RXRG: variants seen among roughly 807,000 people sequenced by gnomAD.
RXRG encodes the protein retinoid X receptor gamma, also known as retinoic acid receptor RXR-gamma.
In RXRG, 19 loss-of-function variants were observed where a neutral mutation model predicts 49.2. That is an observed-to-expected ratio of 0.39 (90% CI 0.27 to 0.57). The LOEUF (loss-of-function observed/expected upper bound fraction) is 0.57, where lower values mean the gene tolerates loss of function less well. Among genes scored for constraint, RXRG ranks in the 20% least tolerant of loss-of-function variants. The probability of loss-of-function intolerance (pLI) is 0.64; values close to 1 mark genes in which losing one functional copy is unlikely to be tolerated. For missense variants in RXRG, 452 were observed against 592.5 expected (o/e 0.76, Z 2.46); for synonymous variants, 224 against 216.6 (o/e 1.03, Z -0.30).
intron 1 of RXRG, among the ~76,000 whole-genome samples, chr1:165,442,551 C>T (rs1220058555): frequency 6.6e-6 from 1 of 152,138 alleles, no homozygotes; most frequent in Non-Finnish European, 1.5e-5. Context: ...TCAGAGCCCC[C>T]ACAATTATGA....
At position 165,428,932 on chromosome 1, in the gene RXRG, G is replaced by A. The variant is rs1259431592; in HGVS notation, c.84C>T (p.Ser28=). ...SPGHTGSTSM[S]PSAALSTGKP... Reference sequence around the variant, plus strand: ...TCCCTGTGGACAAGGCTGCTGATGGGCTCATGGATGTAGAGCCAGTGTGGC... The same window carrying A: ...TCCCTGTGGACAAGGCTGCTGATGGACTCATGGATGTAGAGCCAGTGTGGC... Residue 28 remains serine (S), a synonymous_variant, in exon 2 of 10, where the codon AGC becomes AGT. Transcript: ENST00000359842. The A allele has an allele frequency of 1.9e-6, 3 of 1,613,532 alleles. No individual in the cohort carries two copies. The Admixed American group carries it at 5.0e-5, about 27-fold the overall frequency.
intron 2 of RXRG, 85 bp downstream of exon 2, chr1:165,428,634 G>T (rs371709930): frequency 1.2e-5 from 17 of 1,472,236 alleles, no homozygotes; most frequent in East Asian, 9.2e-5. Flanking sequence ...TTATGGACCT[G>T]CTGAGTGCTG....
intron 1 of RXRG, among the ~76,000 whole-genome samples, chr1:165,438,667 C>G (rs1454849021): frequency 6.6e-6 from 1 of 152,144 alleles, no homozygotes; most frequent in Non-Finnish European, 1.5e-5. Flanking sequence ...CTGTTTTTGC[C>G]TATATGGCCT....
intron 1 of RXRG, among the ~76,000 whole-genome samples, chr1:165,439,931 T>C (rs1658928620): frequency 6.6e-6 from 1 of 151,986 alleles, no homozygotes; most frequent in South Asian, 2.1e-4. Context: ...GGTGTCTGAG[T>C]GGCTGTTATG....
chr1:165,427,488 G>A (rs1557921695), intron 2 of RXRG, among the ~76,000 whole-genome samples: 1 of 152,134 alleles, frequency 6.6e-6, no homozygotes, highest in Non-Finnish European at 1.5e-5. Flanking sequence ...AAGCTGGAGT[G>A]CAGTGGCATG....
At chr1:165,435,972 C>A (rs994058294) in intron 1 of RXRG, among the ~76,000 whole-genome samples, 1 of 152,154 alleles carries the variant, frequency 6.6e-6, no homozygotes, top group African/African-American at 2.4e-5. Context: ...GATGTGGCTG[C>A]ATTCCAATAA....
At chr1:165,433,644 A>G (rs1031204445) in intron 1 of RXRG, among the ~76,000 whole-genome samples, 2 of 152,216 alleles carry the variant, frequency 1.3e-5, no homozygotes, top group African/African-American at 4.8e-5. Flanking sequence ...TCCCCCAGTA[A>G]GGAGCTGGCA....
chr1:165,420,420 C>T (rs190038079), intron 2 of RXRG, among the ~76,000 whole-genome samples: 106 of 152,276 alleles, frequency 7.0e-4, no homozygotes, highest in Admixed American at 3.3e-3. Flanking sequence ...GACCCTCAGG[C>T]TAAAGACTTA....
At chr1:165,408,715 T>C (rs1657839592) in intron 7 of RXRG, among the ~76,000 whole-genome samples, 2 of 152,116 alleles carry the variant, frequency 1.3e-5, no homozygotes, top group South Asian at 4.2e-4. Context: ...TTCAATGAAC[T>C]GGTAGAAAGG....
At chr1:165,438,827 T>C (rs1658894914) in intron 1 of RXRG, among the ~76,000 whole-genome samples, 1 of 152,218 alleles carries the variant, frequency 6.6e-6, no homozygotes, top group Admixed American at 6.5e-5. Context: ...TGGTATAAAC[T>C]AGTTTGTATT....
chr1:165,402,410 A>G (rs539835834), intron 9 of RXRG, among the ~76,000 whole-genome samples: 1 of 150,528 alleles, frequency 6.6e-6, no homozygotes, highest in African/African-American at 2.5e-5. Context: ...TTTATGATCA[A>G]CTTATTAGTC....
At chr1:165,423,234 C>G (rs1319915370) in intron 2 of RXRG, among the ~76,000 whole-genome samples, 2 of 152,196 alleles carry the variant, frequency 1.3e-5, no homozygotes, top group African/African-American at 4.8e-5. Flanking sequence ...CCCCAAGTCC[C>G]CCAATCCCGG....
At chr1:165,407,623 G>A (rs1012357190) in intron 8 of RXRG, among the ~76,000 whole-genome samples, 1 of 152,142 alleles carries the variant, frequency 6.6e-6, no homozygotes, top group Non-Finnish European at 1.5e-5. Flanking sequence ...CACAGGCAGA[G>A]GCTGACAGCT....
rs755760297 is a variant in RXRG, at chr1:165,406,790, G to C, written c.1244+22C>G. The C allele has an allele frequency of 2.6e-6, 4 of 1,556,494 alleles. No individual in the cohort carries two copies. The Admixed American group carries it at 6.7e-5, about 26-fold the overall frequency. On this transcript the variant is annotated intron_variant, in intron 9 of 9. Coordinates refer to ENST00000359842, the MANE Select transcript of RXRG (RefSeq NM_006917.5). Reference sequence around the variant, plus strand: ...TGGGAGTAGTTGCTGCTGTTACTACGATTCTGCCAGCACTGTCTCACCTGC... The same window carrying C: ...TGGGAGTAGTTGCTGCTGTTACTACCATTCTGCCAGCACTGTCTCACCTGC...
Position 165,409,656 on chromosome 1 carries a change from G to A in RXRG, c.948C>T (p.His316=). The change falls in exon 7 of 10, where the codon CAC becomes CAT. Residue 316 remains histidine, a synonymous_variant. Transcript: ENST00000359842. ...TGCCATCCTGCACGGAAACTGAGCGGTGGGAGAAAGAGGCAATCAGCAATT... is the reference window on the plus strand; with the variant it reads ...TGCCATCCTGCACGGAAACTGAGCGATGGGAGAAAGAGGCAATCAGCAATT... ...WNELLIASFS[H]RSVSVQDGIL... 6.4e-7 allele frequency: 1 copy of A among 1,555,388 alleles called. No homozygotes were observed. Among genetic ancestry groups the A allele is most frequent in the Admixed American group, 1.9e-5 (1 of 52,304 alleles).
rs750811270 is a variant in RXRG at position 165,428,879 on chromosome 1, G to A, written c.137C>T (p.Thr46Ile). The change falls in exon 2 of 10, where the codon ACA becomes ATA. Residue 46 changes from threonine to isoleucine, a missense_variant. Transcript: ENST00000359842. Reference sequence around the variant, plus strand: ...CCGTGGGGCACTCACTGGGGTATCTGTGTAGCTGGGGTGGCTGTCCATTGG... The same window carrying A: ...CCGTGGGGCACTCACTGGGGTATCTATGTAGCTGGGGTGGCTGTCCATTGG... ...GKPMDSHPSY[T>I]DTPVSAPRTL... 8.7e-6 allele frequency: 14 copies of A among 1,613,994 alleles called. No individual in the cohort carries two copies. The highest frequency in any genetic ancestry group is 8.0e-5 in the African/African-American group (6 of 74,926).
chr1:165,414,007 C>A (rs1658041184), intron 4 of RXRG, among the ~76,000 whole-genome samples: 1 of 152,186 alleles, frequency 6.6e-6, no homozygotes, highest in Non-Finnish European at 1.5e-5. Context: ...TGTTATTATT[C>A]TTGTCCTCAA....
At chr1:165,430,618 A>C (rs1341828649) in intron 1 of RXRG, among the ~76,000 whole-genome samples, 1 of 152,222 alleles carries the variant, frequency 6.6e-6, no homozygotes, top group Non-Finnish European at 1.5e-5. Context: ...ATAAACAGAT[A>C]AGTCCCAATA....
At position 165,401,043 on chromosome 1, in the gene RXRG, G is replaced by T. The variant is rs1571258903; in HGVS notation, c.*220C>A. The T allele has an allele frequency of 4.1e-6, 2 of 482,618 alleles. No individual in the cohort carries two copies. The highest frequency in any genetic ancestry group is 7.2e-6 in the Non-Finnish European group (2 of 277,210). 29.9% of individuals were successfully genotyped at this position (482,618 alleles called of 1,614,324 possible). A position where few individuals can be genotyped will look rare whatever the true frequency, so the allele number is the denominator to read the frequency against. ...TAGTTTTCCCAAGAACTTCCAGAAAGTCTCCCAGCCCTGTAGACAGCAAAG... is the reference window on the plus strand; with the variant it reads ...TAGTTTTCCCAAGAACTTCCAGAAATTCTCCCAGCCCTGTAGACAGCAAAG... On this transcript the variant is annotated 3_prime_UTR_variant, in exon 10 of 10. Coordinates refer to ENST00000359842, the MANE Select transcript of RXRG (RefSeq NM_006917.5).
Sources: allele counts gnomAD v4.1 joint callset (sites outside exome capture counted in the v4.1 genomes callset), GRCh38; gene constraint gnomAD v4.1.1; transcripts MANE v1.5; gene names NCBI Gene and HGNC (gene_info 2026-07-23, HGNC 2026-07-21).